FAM174C: variants seen among roughly 807,000 people sequenced by gnomAD.
FAM174C encodes family with sequence similarity 174 member C.
FAM174C carries 19 observed loss-of-function variants against 12.3 expected under a neutral mutation model. That is an observed-to-expected ratio of 1.55 (90% CI 1.08 to 2.27). The LOEUF (loss-of-function observed/expected upper bound fraction) is 2.27. Among genes scored for constraint, FAM174C ranks in the 30% most tolerant of loss-of-function variants. FAM174C has a pLI of 0.00. For synonymous variants in FAM174C, 147 were observed against 103.5 expected, an observed-to-expected ratio of 1.42 and a Z score of -2.55; for missense variants, 239 against 190.2, an observed-to-expected ratio of 1.26 and a Z score of -1.51.
Position 1,275,791 on chromosome 19 carries a change from G to A in FAM174C, c.242G>A (p.Cys81Tyr), listed in dbSNP as rs1019757657. 3.2e-6 allele frequency: 5 copies of A among 1,539,086 alleles called. No individual in the cohort carries two copies. The highest frequency in any genetic ancestry group is 1.2e-5 in the South Asian group (1 of 84,056). ...TCCTTCTACGTGATCCTGGGCTTCT[G>A]CGGCCTGACCGCGCTCTACTTCCTG... ...TRSFYVILGFCGLTALYFLIR... is the reference protein window; with the variant it reads ...TRSFYVILGFYGLTALYFLIR... The change falls in exon 1 of 3, where the codon TGC (cysteine) becomes TAC (tyrosine). Residue 81 changes from cysteine to tyrosine, a missense_variant. Physicochemically the swap from Cys to Tyr is radical, Grantham distance 194. Transcript: ENST00000409293.
Position 1,275,557 on chromosome 19 carries a change from C to G in FAM174C, c.8C>G (p.Pro3Arg). MG[P>R]RVLQPPLLLL... ...CACCGCTTCCGCCGGGCCATGGGGC[C>G]GCGCGTGCTGCAGCCGCCGCTGCTG... Residue 3 changes from proline to arginine, a missense_variant, in exon 1 of 3, where the codon CCG becomes CGG. Physicochemically the swap from Pro to Arg is moderately radical, Grantham distance 103 (BLOSUM62 -2). Coordinates refer to ENST00000409293, the MANE Select transcript of FAM174C (RefSeq NM_017914.4). 2.5e-6 allele frequency: 3 copies of G among 1,217,006 alleles called. No homozygotes were observed. The highest frequency in any genetic ancestry group is 4.4e-5 in the Admixed American group (1 of 22,848). The allele number at this position is 1,217,006 out of a possible 1,614,324, so 75.4% of individuals were successfully genotyped here.
rs374485422 is a variant in FAM174C at position 1,278,293 on chromosome 19, C to T, written c.*-484C>T. The stretch of plus-strand genomic sequence containing the variant: ...GGAACAGCAGGGAGCGGCCGGGCTG[C>T]GCAGATGCCGGGCGGGACTGGGGTA... On this transcript the variant is annotated intron_variant, in intron 2 of 2. Transcript: ENST00000409293. 6.0e-4 allele frequency among the ~76,000 whole-genome samples: 28 copies of T among 46,656 alleles called. No individual in the cohort carries two copies. The South Asian group carries it at 8.6e-3, about 14-fold the overall frequency. The allele number at this position is 46,656 out of a possible 152,430, so 30.6% of individuals were successfully genotyped here. A position where few individuals can be genotyped will look rare whatever the true frequency, so the allele number is the denominator to read the frequency against.
chr19:1,276,981 C>G, intron 1 of FAM174C: 1 of 760,698 alleles, frequency 1.3e-6, no homozygotes, highest in Admixed American at 3.4e-5. Flanking sequence ...TGGTAGGGCA[C>G]ATGTCTTCTT....
At position 1,279,194 on chromosome 19, in the gene FAM174C, G is replaced by A. The variant is rs151205894; in HGVS notation, c.*417G>A. On this transcript the variant is annotated 3_prime_UTR_variant, in exon 3 of 3. Coordinates refer to ENST00000409293, the MANE Select transcript of FAM174C (RefSeq NM_017914.4). The stretch of plus-strand genomic sequence containing the variant: ...ACCTTTCTGGGAACACCTTCTCGCC[G>A]GGCTGGGAACAATAAATGCAGCCAT... 209 of 1,611,340 alleles carry A rather than the reference G, an allele frequency of 1.3e-4. 1 individual carries two copies. The highest frequency in any genetic ancestry group is 8.7e-4 in the African/African-American group (65 of 75,054).
At position 1,278,773 on chromosome 19, in the gene FAM174C, T is replaced by G. The variant is rs779971182; in HGVS notation, c.*-4T>G. Reference sequence around the variant, plus strand: ...CCCTCTCACCCTTGACCCCCTGCTTTCAGATGCTGAGCCAGGGAGGCGGCC... The same window carrying G: ...CCCTCTCACCCTTGACCCCCTGCTTGCAGATGCTGAGCCAGGGAGGCGGCC... On this transcript the variant is annotated splice_polypyrimidine_tract_variant and splice_region_variant and intron_variant, in intron 2 of 2. Transcript: ENST00000409293. The G allele has an allele frequency of 1.9e-6, 3 of 1,612,488 alleles. No homozygotes were observed. The highest frequency in any genetic ancestry group is 2.5e-6 in the Non-Finnish European group (3 of 1,179,794).
At chr19:1,277,619 C>T (rs988874645) in intron 2 of FAM174C, among the ~76,000 whole-genome samples, 2 of 152,024 alleles carry the variant, frequency 1.3e-5, no homozygotes, top group African/African-American at 4.8e-5. Context: ...TACAGGCACC[C>T]GCCACCACGC....
At chr19:1,275,931 C>CCTCCTTCCCTCT in intron 1 of FAM174C, 101 bp downstream of exon 1, 1 of 1,031,074 alleles carries the variant, frequency 9.7e-7, no homozygotes. Context: ...TCCCTCCCTC[C>CCTCCTTCCCTCT]CTCCCTCCCT....
chr19:1,275,595 G>T lies in FAM174C; in HGVS notation c.46G>T (p.Ala16Ser). Residue 16 changes from alanine to serine, a missense_variant, in exon 1 of 3, where the codon GCG becomes TCG. Physicochemically the swap from Ala to Ser is moderately conservative, Grantham distance 99. Coordinates refer to ENST00000409293, the MANE Select transcript of FAM174C (RefSeq NM_017914.4). ...LQPPLLLLLL[A>S]LLLAALPCGA... ...GCCGCCGCTGCTGCTGCTCCTGCTG[G>T]CGCTGCTGCTGGCGGCGCTGCCGTG... is the stretch of plus-strand genomic sequence containing the variant. 1.6e-6 allele frequency: 2 copies of T among 1,246,030 alleles called. No individual in the cohort carries two copies. Among genetic ancestry groups the T allele is most frequent in the Non-Finnish European group, 2.0e-6 (2 of 998,448 alleles). 77.2% of individuals were successfully genotyped at this position (1,246,030 alleles called of 1,614,324 possible). A position where few individuals can be genotyped will look rare whatever the true frequency, so the allele number is the denominator to read the frequency against.
chr19:1,276,760 C>A, intron 1 of FAM174C: 1 of 157,222 alleles, frequency 6.4e-6, no homozygotes. Flanking sequence ...GTGGAAGCAC[C>A]TGCTGCGCGC....
chr19:1,275,979 G>T (rs1371490589), intron 1 of FAM174C, 149 bp downstream of exon 1: 1 of 768,588 alleles, frequency 1.3e-6, no homozygotes, highest in African/African-American at 1.9e-5. Context: ...GTGCTGTGCG[G>T]GGTCGTCACG....
rs769765672 is a variant in FAM174C, at chr19:1,275,768, C to T, written c.219C>T (p.Ser73=). ...PGASGSALTR[S]FYVILGFCGL... Reference sequence around the variant, plus strand: ...CGTCGGGCTCGGCGCTGACGCGCTCCTTCTACGTGATCCTGGGCTTCTGCG... The same window carrying T: ...CGTCGGGCTCGGCGCTGACGCGCTCTTTCTACGTGATCCTGGGCTTCTGCG... The change falls in exon 1 of 3, where the codon TCC becomes TCT. Residue 73 remains serine, a synonymous_variant. Transcript: ENST00000409293. 6.6e-5 allele frequency: 101 copies of T among 1,538,386 alleles called. No homozygotes were observed. The highest frequency in any genetic ancestry group is 8.3e-5 in the Non-Finnish European group (95 of 1,145,002).
chr19:1,279,108 C>A lies in FAM174C; in HGVS notation c.*331C>A, dbSNP rs1379306811. On this transcript the variant is annotated 3_prime_UTR_variant, in exon 3 of 3. Transcript: ENST00000409293. ...GCCTGACTGTGACTTGTGCCTCTCT[C>A]CTGCCCCCGTGGGGACATGGCAGCC... 1 of 1,612,956 alleles carries A rather than the reference C, an allele frequency of 6.2e-7. No homozygotes were observed. Among genetic ancestry groups the A allele is most frequent in the Admixed American group, 1.7e-5 (1 of 60,026 alleles).
Position 1,275,577 on chromosome 19 carries a change from C to G in FAM174C, c.28C>G (p.Leu10Val). The G allele has an allele frequency of 1.6e-6, 2 of 1,228,284 alleles. No homozygotes were observed. The highest frequency in any genetic ancestry group is 1.6e-5 in the African/African-American group (1 of 63,274). 76.1% of individuals were successfully genotyped at this position (1,228,284 alleles called of 1,614,324 possible). ...GGGGCCGCGCGTGCTGCAGCCGCCG[C>G]TGCTGCTGCTCCTGCTGGCGCTGCT... is the stretch of plus-strand genomic sequence containing the variant. MGPRVLQPP[L>V]LLLLLALLLA... Residue 10 changes from leucine to valine, a missense_variant, in exon 1 of 3, where the codon CTG (leucine) becomes GTG (valine). Coordinates refer to ENST00000409293, the MANE Select transcript of FAM174C (RefSeq NM_017914.4).
rs1026953887 is a variant in FAM174C at position 1,277,035 on chromosome 19, G to A, written c.282-148G>A. On this transcript the variant is annotated intron_variant, in intron 1 of 2. Transcript: ENST00000409293. The stretch of plus-strand genomic sequence containing the variant: ...GTGAATGGTAATCACTTGGCGATTA[G>A]GACATGAAAGAAGCAGGCACAGCAA... 1.4e-5 allele frequency: 17 copies of A among 1,246,322 alleles called. No homozygotes were observed. The East Asian group carries it at 1.6e-4, about 12-fold the overall frequency. The allele number at this position is 1,246,322 out of a possible 1,614,324, so 77.2% of individuals were successfully genotyped here. A position where few individuals can be genotyped will look rare whatever the true frequency, so the allele number is the denominator to read the frequency against.
At chr19:1,277,692 T>A (rs2081421525) in intron 2 of FAM174C, among the ~76,000 whole-genome samples, 1 of 152,144 alleles carries the variant, frequency 6.6e-6, no homozygotes, top group Admixed American at 6.6e-5. Context: ...CAGGCTGGGT[T>A]CCAGCTCCTT....
chr19:1,278,686 G>T, intron 2 of FAM174C, 91 bp from the exon 3 acceptor site: 1 of 1,572,242 alleles, frequency 6.4e-7, no homozygotes, highest in Non-Finnish European at 8.6e-7. Context: ...GCCTGGACAG[G>T]CTGCCTGCCC....
At chr19:1,278,248 G>GTGT (rs2081424200) in intron 2 of FAM174C, among the ~76,000 whole-genome samples, 1 of 152,260 alleles carries the variant, frequency 6.6e-6, no homozygotes, top group South Asian at 2.1e-4. Context: ...CTGGCTTCTG[G>GTGT]AAGAGTGTCT....
At chr19:1,275,871 C>A in intron 1 of FAM174C, 41 bp downstream of exon 1, 1 of 1,518,488 alleles carries the variant, frequency 6.6e-7, no homozygotes, top group South Asian at 1.2e-5. Flanking sequence ...CAGCCTTGGC[C>A]AATTAGCGCG....
Position 1,279,182 on chromosome 19 carries a change from C to A in FAM174C, c.*405C>A, listed in dbSNP as rs527764800. 3 of 1,612,282 alleles carry A rather than the reference C, an allele frequency of 1.9e-6. No individual in the cohort carries two copies. Among genetic ancestry groups the A allele is most frequent in the Middle Eastern group, 1.6e-4 (1 of 6,080 alleles). ...GTGACCCAAGGAACCTTTCTGGGAACACCTTCTCGCCGGGCTGGGAACAAT... is the reference window on the plus strand; with the variant it reads ...GTGACCCAAGGAACCTTTCTGGGAAAACCTTCTCGCCGGGCTGGGAACAAT... On this transcript the variant is annotated 3_prime_UTR_variant, in exon 3 of 3. Coordinates refer to ENST00000409293, the MANE Select transcript of FAM174C (RefSeq NM_017914.4).
Sources: allele counts gnomAD v4.1 joint callset (sites outside exome capture counted in the v4.1 genomes callset), GRCh38; gene constraint gnomAD v4.1.1; transcripts MANE v1.5; gene names NCBI Gene and HGNC (gene_info 2026-07-23, HGNC 2026-07-21).